DPP6: variants seen among roughly 807,000 people sequenced by gnomAD.
DPP6 encodes the protein dipeptidyl peptidase like 6, also known as A-type potassium channel modulatory protein DPP6.
In DPP6, 69 loss-of-function variants were observed where a neutral mutation model predicts 122.6. The observed-to-expected ratio is 0.56, with a 90% CI of 0.46 to 0.69. The LOEUF is 0.69. Among genes scored for constraint, DPP6 ranks in the 30% least tolerant of loss-of-function variants. DPP6 has a pLI of 0.00. For synonymous variants in DPP6, 418 were observed against 433.1 expected (o/e 0.97, Z 0.43); for missense variants, 928 against 1,116.9 (o/e 0.83, Z 2.41).
At chr7:153,848,694 A>T in the DPP6 span, among the ~76,000 whole-genome samples, 1 of 152,158 alleles carries the variant, frequency 6.6e-6, no homozygotes, top group Non-Finnish European at 1.5e-5. Flanking sequence ...TCATTATGAA[A>T]CCCAGAACGA....
chr7:153,995,588 C>CAAAAAAAAAAAAA (rs55905154), intron 1 of DPP6, among the ~76,000 whole-genome samples: 1 of 88,946 alleles, frequency 1.1e-5, no homozygotes, highest in African/African-American at 4.6e-5. Context: ...GACTCCGTCT[C>CAAAAAAAAAAAAA]AAAAAAAAAA....
At chr7:154,500,647 C>T (rs1286535088) in intron 3 of DPP6, among the ~76,000 whole-genome samples, 1 of 152,192 alleles carries the variant, frequency 6.6e-6, no homozygotes. Flanking sequence ...TTACCTTCCA[C>T]CAGGATTGTG....
intron 5 of DPP6, among the ~76,000 whole-genome samples, chr7:154,582,820 C>T (rs756714782): frequency 1.3e-5 from 2 of 152,254 alleles, no homozygotes; most frequent in Non-Finnish European, 2.9e-5. Context: ...TTCCGTGTGT[C>T]TCCCACAGAG....
In DPP6 at chr7:154,425,615, T is replaced by TGTGG. The variant is rs1311049019; in HGVS notation, c.244-20596_244-20595insGGTG. ...GTTTGGGGAAAAAAATGTGTGTGTGTGTGTGGGTGTGTGTGTGTGTGTGTG... is the reference window on the plus strand; with the variant it reads ...GTTTGGGGAAAAAAATGTGTGTGTGTGTGGGTGTGGGTGTGTGTGTGTGTGTGTG... On this transcript the variant is annotated intron_variant, in intron 1 of 25. Transcript: ENST00000377770. Among the ~76,000 whole-genome samples the TGTGG allele has an allele frequency of 6.3e-3, 665 of 106,170 alleles. 2 individuals are homozygous for TGTGG. The highest frequency in any genetic ancestry group is 7.5e-3 in the Non-Finnish European group (397 of 53,088). The allele number at this position is 106,170 out of a possible 152,430, so 69.7% of individuals were successfully genotyped here. A position where few individuals can be genotyped will look rare whatever the true frequency, so the allele number is the denominator to read the frequency against.
chr7:153,887,626 G>A, exon 1 of DPP6: 1 of 1,599,644 alleles, frequency 6.3e-7, no homozygotes, highest in Non-Finnish European at 8.6e-7. Context: ...TCCTCACCAG[G>A]ACAATGGATT....
In DPP6 at chr7:154,402,773, AAAAT is replaced by A. The variant is rs544284767; in HGVS notation, c.244-43437_244-43434del. On this transcript the variant is annotated intron_variant, in intron 1 of 25. Transcript: ENST00000377770. ...TACTAATAAATTTAAAAAAAAGAAA[AAAAT>A]AAAAATAAAAATAAAAATAAAACTC... is the stretch of plus-strand genomic sequence containing the variant. 4.5e-3 allele frequency among the ~76,000 whole-genome samples: 662 copies of A among 148,702 alleles called. 9 individuals are homozygous for A. Among genetic ancestry groups the A allele is most frequent in the African/African-American group, 0.016 (642 of 39,002 alleles).
chr7:153,775,944 A>G, the DPP6 span, among the ~76,000 whole-genome samples: 12 of 152,174 alleles, frequency 7.9e-5, no homozygotes, highest in Non-Finnish European at 5.9e-5. Context: ...TTGGGGGAAT[A>G]TACTGTTTTC....
At chr7:154,589,887 T>C (rs985860389) in intron 5 of DPP6, among the ~76,000 whole-genome samples, 1 of 152,226 alleles carries the variant, frequency 6.6e-6, no homozygotes, top group African/African-American at 2.4e-5. Context: ...ATTAGATATC[T>C]GAAGTAATGA....
At chr7:154,482,881 C>T (rs938135315) in intron 3 of DPP6, among the ~76,000 whole-genome samples, 2 of 152,078 alleles carry the variant, frequency 1.3e-5, no homozygotes, top group African/African-American at 4.8e-5. Context: ...GATCTCAGGC[C>T]TGGGCAGCTG....
At chr7:154,135,037 G>C (rs1795475554) in intron 1 of DPP6, among the ~76,000 whole-genome samples, 1 of 151,108 alleles carries the variant, frequency 6.6e-6, no homozygotes, top group East Asian at 2.0e-4. Flanking sequence ...TACTTCCTCT[G>C]TGTATACTTC....
At chr7:154,840,600 C>T (rs904500054) in intron 16 of DPP6, among the ~76,000 whole-genome samples, 7 of 152,160 alleles carry the variant, frequency 4.6e-5, no homozygotes, top group African/African-American at 9.7e-5. Flanking sequence ...AGCATGTGCT[C>T]GGAAGTTTTT....
At chr7:154,405,376 C>G (rs896037386) in intron 1 of DPP6, among the ~76,000 whole-genome samples, 9 of 152,154 alleles carry the variant, frequency 5.9e-5, no homozygotes, top group African/African-American at 2.2e-4. Flanking sequence ...CGTGCATGTA[C>G]TGGTGTTTTG....
intron 1 of DPP6, among the ~76,000 whole-genome samples, chr7:154,035,248 C>T (rs1799460813): frequency 6.6e-6 from 1 of 152,184 alleles, no homozygotes; most frequent in Non-Finnish European, 1.5e-5. Context: ...GTGAAGGCTC[C>T]GTTCGTAAAG....
rs1262249699 is a variant in DPP6 at position 154,727,792 on chromosome 7, A to T, written c.788A>T (p.Tyr263Phe). The T allele has an allele frequency of 1.2e-6, 2 of 1,613,608 alleles. No homozygotes were observed. The highest frequency in any genetic ancestry group is 3.3e-5 in the Admixed American group (2 of 59,984). ...QLIFIFENNI[Y>F]YCAHVGKQAI... ...ATATTTATTTTTGAAAACAATATCT[A>T]CTACTGTGCACATGTCGGGAAACAG... The change falls in exon 8 of 26, where the codon TAC becomes TTC. Residue 263 changes from tyrosine to phenylalanine, a missense_variant. Tyr to Phe is a conservative substitution (Grantham distance 22). Coordinates refer to ENST00000377770, the MANE Select transcript of DPP6 (RefSeq NM_130797.4).
At chr7:154,463,670 C>T (rs532442606) in intron 2 of DPP6, among the ~76,000 whole-genome samples, 1 of 152,212 alleles carries the variant, frequency 6.6e-6, no homozygotes, top group Non-Finnish European at 1.5e-5. Context: ...CCAAGGGCTC[C>T]TTAGTCAGCA....
intron 1 of DPP6, among the ~76,000 whole-genome samples, chr7:154,295,822 G>A (rs890286936): frequency 2.6e-5 from 4 of 152,120 alleles, no homozygotes; most frequent in South Asian, 2.1e-4. Context: ...TGTTTTGTGC[G>A]TATTTACATT....
At chr7:154,157,793 C>T (rs578211997) in intron 1 of DPP6, among the ~76,000 whole-genome samples, 29 of 151,812 alleles carry the variant, frequency 1.9e-4, no homozygotes, top group Admixed American at 8.5e-4. Flanking sequence ...ATTAGCTGGG[C>T]GTGGTGGCAC....
chr7:154,093,840 T>C (rs1311586241), intron 1 of DPP6: 1 of 151,486 alleles, frequency 6.6e-6, no homozygotes, highest in Non-Finnish European at 1.5e-5. Context: ...GTGTGGCACG[T>C]GTGGTGTGGG....
chr7:154,665,531 C>T (rs1166540308), intron 6 of DPP6, among the ~76,000 whole-genome samples: 1 of 151,896 alleles, frequency 6.6e-6, no homozygotes, highest in African/African-American at 2.4e-5. Context: ...TAAAATATTC[C>T]TGACTCATTC....
Sources: gnomAD v4.1 joint callset for allele counts (sites outside exome capture counted in the v4.1 genomes callset) on GRCh38, gnomAD v4.1.1 for gene constraint, MANE v1.5 for transcripts, NCBI Gene and HGNC (gene_info 2026-07-23, HGNC 2026-07-21) for gene names.